The following VPS13B variants were observed in gnomAD, a reference collection of about 807,000 sequenced individuals.
The protein encoded by VPS13B is vacuolar protein sorting 13 homolog B, also known as intermembrane lipid transfer protein VPS13B.
A neutral mutation model predicts 426.4 loss-of-function variants in VPS13B; 285 were observed. The observed-to-expected ratio is 0.67, with a 90% CI of 0.61 to 0.74. VPS13B has a LOEUF of 0.74. VPS13B is among the 30% of genes least tolerant of loss of function. VPS13B has a pLI of 0.00. For missense variants in VPS13B, 4,537 were observed against 4,782.6 expected, an observed-to-expected ratio of 0.95 and a Z score of 1.51; for synonymous variants, 1,676 against 1,676.4, an observed-to-expected ratio of 1.00 and a Z score of 0.01.
intron 56 of VPS13B, among the ~76,000 whole-genome samples, chr8:99,858,277 A>G (rs1451436189): frequency 6.6e-6 from 1 of 151,788 alleles, no homozygotes; most frequent in East Asian, 1.9e-4. Flanking sequence ...CCAAATCCCC[A>G]CCCCAGAGAG....
intron 19 of VPS13B, among the ~76,000 whole-genome samples, chr8:99,332,617 C>T (rs3103730): frequency 0.88 from 133,893 of 151,588 alleles, 59,842 homozygotes; most frequent in African/African-American, 0.97. Flanking sequence ...CAGTGCTTTA[C>T]GTACAGTCAT....
At chr8:99,134,750 G>A in intron 9 of VPS13B, 23 bp downstream of exon 9, 1 of 1,550,182 alleles carries the variant, frequency 6.5e-7, no homozygotes, top group South Asian at 1.1e-5. Context: ...TATTGAACCT[G>A]TATTTTTAAA....
At chr8:99,160,643 C>T (rs1811597002) in intron 15 of VPS13B, among the ~76,000 whole-genome samples, 1 of 137,444 alleles carries the variant, frequency 7.3e-6, no homozygotes. Context: ...AGAGTGAGAC[C>T]CTGTCTCAAA....
intron 27 of VPS13B, among the ~76,000 whole-genome samples, chr8:99,504,869 G>C (rs1449844916): frequency 6.6e-6 from 1 of 152,122 alleles, no homozygotes; most frequent in Admixed American, 6.6e-5. Context: ...GTCTGAGATG[G>C]CATCTTCTTC....
intron 36 of VPS13B, among the ~76,000 whole-genome samples, chr8:99,715,314 C>T (rs961350237): frequency 3.9e-5 from 6 of 152,156 alleles, no homozygotes; most frequent in East Asian, 1.9e-4. Flanking sequence ...TACTGTTGTG[C>T]CCAGGACTAC....
intron 59 of VPS13B, among the ~76,000 whole-genome samples, chr8:99,870,109 GTTTTTTA>G (rs1362202006): frequency 6.6e-6 from 1 of 152,142 alleles, no homozygotes. Context: ...ATATCTGTGT[GTTTTTTA>G]TTTTTTGACT....
chr8:99,252,188 C>T (rs1817539116), intron 17 of VPS13B, among the ~76,000 whole-genome samples: 2 of 151,896 alleles, frequency 1.3e-5, no homozygotes, highest in Admixed American at 1.3e-4. Context: ...CTTACTTGTA[C>T]TGTGCACATT....
At position 99,170,123 on chromosome 8, in the gene VPS13B, A is replaced by G; in HGVS notation, c.2293A>G (p.Thr765Ala). ...TGTACCAGTTATTCCCTCTTTCAGC[A>G]CTGCTCTTTATGGGAAACTTCTGAA... The part of the protein sequence containing the change: ...LPVPVIPSFS[T>A]ALYGKLLKLP... The change falls in exon 16 of 62, where the codon ACT becomes GCT. Residue 765 changes from threonine to alanine, a missense_variant. Physicochemically the swap from Thr to Ala is moderately conservative, Grantham distance 58. Around this residue, in one of 2 missense-constraint regions of VPS13B, gnomAD observed 4,311 missense variants for 4,474.3 expected, o/e 0.96. Transcript: ENST00000357162. 2 of 1,612,932 alleles carry G rather than the reference A, an allele frequency of 1.2e-6. No individual in the cohort carries two copies. The highest frequency in any genetic ancestry group is 1.7e-5 in the Admixed American group (1 of 59,944).
intron 19 of VPS13B, among the ~76,000 whole-genome samples, chr8:99,342,646 T>C (rs1353464498): frequency 1.3e-5 from 2 of 152,236 alleles, no homozygotes; most frequent in African/African-American, 2.4e-5. Flanking sequence ...GTTTATCCGT[T>C]GATAGCCAGT....
intron 54 of VPS13B, among the ~76,000 whole-genome samples, chr8:99,843,507 G>C (rs1254107788): frequency 6.6e-6 from 1 of 152,164 alleles, no homozygotes; most frequent in Non-Finnish European, 1.5e-5. Context: ...GATGCCCTTT[G>C]ATCTGGAGAC....
intron 19 of VPS13B, among the ~76,000 whole-genome samples, chr8:99,297,115 G>A (rs1020154697): frequency 2.1e-4 from 32 of 152,058 alleles, no homozygotes; most frequent in African/African-American, 7.2e-4. Context: ...ATGCTAAAAT[G>A]TAAAATGAAA....
chr8:99,866,457 G>T (rs1817105053), intron 58 of VPS13B, among the ~76,000 whole-genome samples: 1 of 152,254 alleles, frequency 6.6e-6, no homozygotes, highest in Admixed American at 6.5e-5. Context: ...GCCCAGGGCA[G>T]GTGGTTCCAC....
chr8:99,483,276 T>C (rs1820137500), intron 25 of VPS13B, among the ~76,000 whole-genome samples: 1 of 152,164 alleles, frequency 6.6e-6, no homozygotes, highest in South Asian at 2.1e-4. Context: ...ATTCTTTCTC[T>C]TTTTTCTTTT....
At chr8:99,608,961 C>G (rs1314621497) in intron 33 of VPS13B, among the ~76,000 whole-genome samples, 1 of 151,968 alleles carries the variant, frequency 6.6e-6, no homozygotes, top group Non-Finnish European at 1.5e-5. Flanking sequence ...AATAGAGTTG[C>G]TATGAACATT....
chr8:99,273,213 C>T (rs1215919404), intron 17 of VPS13B, among the ~76,000 whole-genome samples: 4 of 146,772 alleles, frequency 2.7e-5, no homozygotes, highest in African/African-American at 1.0e-4. Flanking sequence ...GGCTGGAGTG[C>T]AGTGGTGCGA....
chr8:99,845,278 G>GTTCTACAT (rs1442814906), intron 54 of VPS13B, among the ~76,000 whole-genome samples: 1 of 152,010 alleles, frequency 6.6e-6, no homozygotes, highest in African/African-American at 2.4e-5. Flanking sequence ...AGGGGGTTTT[G>GTTCTACAT]TTCTACATGG....
intron 35 of VPS13B, among the ~76,000 whole-genome samples, chr8:99,689,747 G>A (rs1279058651): frequency 6.6e-6 from 1 of 151,988 alleles, no homozygotes; most frequent in Non-Finnish European, 1.5e-5. Flanking sequence ...AGATATGAGG[G>A]TAGCAATCAG....
At chr8:99,288,802 A>G (rs1042714224) in intron 19 of VPS13B, among the ~76,000 whole-genome samples, 10 of 152,108 alleles carry the variant, frequency 6.6e-5, no homozygotes, top group Non-Finnish European at 8.8e-5. Context: ...AGAACCTTCA[A>G]TGACTTATGA....
At chr8:99,019,204 ATTTTTTTTTT>A (rs34569117) in intron 2 of VPS13B, among the ~76,000 whole-genome samples, 127 of 128,832 alleles carry the variant, frequency 9.9e-4, no homozygotes, top group Non-Finnish European at 1.9e-3. Context: ...CATCTTAAAC[ATTTTTTTTTT>A]TTTTTTTTTG....
Sources: gnomAD v4.1 joint callset for allele counts (sites outside exome capture counted in the v4.1 genomes callset) on GRCh38, gnomAD v4.1.1 for gene constraint, gnomAD v4.1.1 regional missense constraint, MANE v1.5 for transcripts, NCBI Gene and HGNC (gene_info 2026-07-23, HGNC 2026-07-21) for gene names.